Variants in CTNNA3 observed in about 807,000 individuals in gnomAD.
CTNNA3 encodes catenin alpha-3.
CTNNA3 carries 76 observed loss-of-function variants against 95.7 expected under a neutral mutation model. The observed-to-expected ratio is 0.79, with a 90% CI of 0.66 to 0.96. The LOEUF is 0.96. CTNNA3 is among the 40% of genes least tolerant of loss of function. CTNNA3 has a pLI of 0.00. For missense variants in CTNNA3, 1,191 were observed against 1,089.8 expected (o/e 1.09, Z -1.31); for synonymous variants, 431 against 374.4 (o/e 1.15, Z -1.74).
intron 11 of CTNNA3, among the ~76,000 whole-genome samples, chr10:66,508,395 T>A (rs1840540315): frequency 6.6e-6 from 1 of 151,892 alleles, no homozygotes; most frequent in Non-Finnish European, 1.5e-5. Flanking sequence ...TTTAAATAGT[T>A]TGCTGAAAAC....
intron 1 of CTNNA3, among the ~76,000 whole-genome samples, chr10:67,714,532 T>C (rs1841131511): frequency 6.6e-6 from 1 of 152,216 alleles, no homozygotes; most frequent in Non-Finnish European, 1.5e-5. Context: ...CTAACTTGCT[T>C]TTGATTTTAC....
intron 13 of CTNNA3, among the ~76,000 whole-genome samples, chr10:66,135,100 T>C (rs2083286820): frequency 6.6e-6 from 1 of 152,210 alleles, no homozygotes; most frequent in African/African-American, 2.4e-5. Flanking sequence ...ATTCTTGATC[T>C]TATATTTGAA....
intron 7 of CTNNA3, among the ~76,000 whole-genome samples, chr10:67,136,390 A>G (rs1349464568): frequency 6.6e-6 from 1 of 152,140 alleles, no homozygotes; most frequent in Non-Finnish European, 1.5e-5. Context: ...TAGTTACACT[A>G]TATTTTTAAT....
intron 12 of CTNNA3, among the ~76,000 whole-genome samples, chr10:66,365,125 G>A (rs76143144): frequency 0.091 from 13,808 of 152,048 alleles, 771 homozygotes; most frequent in East Asian, 0.21. Context: ...GTAGTCTCTC[G>A]GAACCAACCC....
chr10:66,396,519 T>G (rs1204321205), intron 11 of CTNNA3, among the ~76,000 whole-genome samples: 1 of 152,068 alleles, frequency 6.6e-6, no homozygotes, highest in Non-Finnish European at 1.5e-5. Context: ...CACCTTAGGC[T>G]TCTGACATGT....
chr10:66,006,079 C>T (rs2078874766), intron 15 of CTNNA3, among the ~76,000 whole-genome samples: 1 of 145,548 alleles, frequency 6.9e-6, no homozygotes, highest in Admixed American at 7.2e-5. Context: ...GTGGCACGAT[C>T]TCGGCTCAGT....
chr10:66,696,587 G>T (rs1166944849), intron 9 of CTNNA3, among the ~76,000 whole-genome samples: 1 of 151,972 alleles, frequency 6.6e-6, no homozygotes, highest in Non-Finnish European at 1.5e-5. Flanking sequence ...ATAGTTATGA[G>T]GAAAAAAATA....
chr10:66,282,262 CTT>C (rs1443138789), intron 12 of CTNNA3, among the ~76,000 whole-genome samples: 7 of 151,760 alleles, frequency 4.6e-5, no homozygotes, highest in African/African-American at 1.7e-4. Context: ...CCACAATTCT[CTT>C]ATATATGGAT....
rs779548599 is a variant in CTNNA3, at chr10:65,966,569, G to A, written c.2400+43C>T. ...CAAGGGTGTAGTTACTCTGTTTCAAGCATCTTCCACCTGTGATCATGTAAG... is the reference window on the plus strand; with the variant it reads ...CAAGGGTGTAGTTACTCTGTTTCAAACATCTTCCACCTGTGATCATGTAAG... On this transcript the variant is annotated intron_variant, in intron 17 of 17. Transcript: ENST00000433211. The A allele has an allele frequency of 1.4e-5, 22 of 1,544,076 alleles. No homozygotes were observed. In the South Asian group the frequency reaches 2.6e-4, roughly 18 times the overall value.
chr10:66,203,765 T>C (rs1028633167), intron 13 of CTNNA3, among the ~76,000 whole-genome samples: 2 of 152,196 alleles, frequency 1.3e-5, no homozygotes, highest in Non-Finnish European at 2.9e-5. Context: ...ATTATGTTTT[T>C]AGCATAATTT....
intron 5 of CTNNA3, among the ~76,000 whole-genome samples, chr10:67,347,688 T>C (rs1424822052): frequency 6.6e-6 from 1 of 152,114 alleles, no homozygotes. Context: ...TTTTAGTAAA[T>C]GTTAGTGTAC....
Position 66,927,657 on chromosome 10 carries a change from C to A in CTNNA3, c.1048-152133G>T. The A allele has an allele frequency of 5.0e-6, 8 of 1,614,140 alleles. No individual in the cohort carries two copies. The highest frequency in any genetic ancestry group is 6.8e-6 in the Non-Finnish European group (8 of 1,180,018). ...ATAAAATCAGTGTCATAGGACAGAC[C>A]ATGTCCTGGACCTGGAGCTCCTTAC... On this transcript the variant is annotated intron_variant, in intron 7 of 17. Transcript: ENST00000433211. The surrounding 1 kb of genome is among the most constrained non-coding windows in gnomAD (Gnocchi z 4.7).
At chr10:67,305,093 A>G (rs970392528) in intron 5 of CTNNA3, among the ~76,000 whole-genome samples, 3 of 152,038 alleles carry the variant, frequency 2.0e-5, no homozygotes, top group East Asian at 3.9e-4. Flanking sequence ...TTGCTAACAC[A>G]GTGAAACCCC....
At chr10:67,389,172 C>A (rs1258796023) in intron 5 of CTNNA3, among the ~76,000 whole-genome samples, 4 of 151,606 alleles carry the variant, frequency 2.6e-5, no homozygotes, top group Non-Finnish European at 5.9e-5. Flanking sequence ...ACCCATCTCA[C>A]GTGCAGAGAC....
intron 7 of CTNNA3, among the ~76,000 whole-genome samples, chr10:67,023,216 A>G (rs920468371): frequency 2.6e-5 from 4 of 152,178 alleles, no homozygotes; most frequent in African/African-American, 9.6e-5. Flanking sequence ...TAAACTTAAG[A>G]TAGTATCAAG....
At chr10:66,650,001 A>G (rs1283673077) in intron 9 of CTNNA3, among the ~76,000 whole-genome samples, 1 of 152,216 alleles carries the variant, frequency 6.6e-6, no homozygotes, top group Non-Finnish European at 1.5e-5. Context: ...CCTGGTCTCA[A>G]TAGCAGGGGA....
intron 5 of CTNNA3, among the ~76,000 whole-genome samples, chr10:67,229,358 A>G (rs1385367932): frequency 6.6e-6 from 1 of 152,108 alleles, no homozygotes; most frequent in Non-Finnish European, 1.5e-5. Flanking sequence ...CACAGTCAAC[A>G]TTATACTGAA....
chr10:66,442,006 T>C (rs148799530), intron 11 of CTNNA3, among the ~76,000 whole-genome samples: 154 of 152,330 alleles, frequency 1.0e-3, no homozygotes, highest in African/African-American at 2.9e-3. Context: ...TGAAATAGTA[T>C]GTAAAATATT....
chr10:67,718,257 G>A (rs577208959), intron 1 of CTNNA3, among the ~76,000 whole-genome samples: 1 of 152,292 alleles, frequency 6.6e-6, no homozygotes, highest in Non-Finnish European at 1.5e-5. Flanking sequence ...CATGCCATCT[G>A]TAAACAGAGA....
Sources: allele counts gnomAD v4.1 joint callset (sites outside exome capture counted in the v4.1 genomes callset), GRCh38; gene constraint gnomAD v4.1.1; non-coding constraint Gnocchi (gnomAD v3.1); transcripts MANE v1.5; gene names NCBI Gene and HGNC (gene_info 2026-07-23, HGNC 2026-07-21).